Variants in CC2D2B observed in about 807,000 individuals in gnomAD.
CC2D2B encodes coiled-coil and C2 domain containing 2B.
In CC2D2B, 128 loss-of-function variants were observed where a neutral mutation model predicts 161.2. That is an observed-to-expected ratio of 0.79 (90% CI 0.69 to 0.92). The LOEUF (loss-of-function observed/expected upper bound fraction) is 0.92. Ranked by LOEUF, CC2D2B falls within the 40% of genes least tolerant of loss-of-function variation. The pLI is 0.00. For missense variants in CC2D2B, 1,173 were observed against 1,375.1 expected (o/e 0.85, Z 2.32); for synonymous variants, 391 against 449.8 (o/e 0.87, Z 1.65).
chr10:96,031,736 G>T, intron 34 of CC2D2B, 84 bp from the exon 35 acceptor site: 1 of 1,210,888 alleles, frequency 8.3e-7, no homozygotes. Context: ...ATTTCTTTGA[G>T]GCTTTTGTGA....
chr10:95,947,113 A>T (rs200812824), intron 9 of CC2D2B, among the ~76,000 whole-genome samples: 1,004 of 48,356 alleles, frequency 0.021, 35 homozygotes, highest in South Asian at 0.023. Flanking sequence ...ATATATATAT[A>T]TTTTTTTTTT....
rs756143793 is a variant in CC2D2B, at chr10:96,012,275, G to A, written c.3136G>A (p.Glu1046Lys). Residue 1046 changes from glutamate (E) to lysine (K), a missense_variant, in exon 27 of 35, where the codon GAG becomes AAG. Coordinates refer to ENST00000646931, the MANE Select transcript of CC2D2B (RefSeq NM_001349008.3). ...TGTATTTCCTAAAGAAGATTCCAATGAGCAGAATTTAAAAGAATGTACATT... is the reference window on the plus strand; with the variant it reads ...TGTATTTCCTAAAGAAGATTCCAATAAGCAGAATTTAAAAGAATGTACATT... ...TYVFPKEDSN[E>K]QNLKECTFLN... is the part of the protein sequence containing the mutation. 3 of 713,832 alleles carry A rather than the reference G, an allele frequency of 4.2e-6. No homozygotes were observed. The highest frequency in any genetic ancestry group is 7.8e-6 in the Non-Finnish European group (3 of 384,330). The allele number at this position is 713,832 out of a possible 1,614,324, so 44.2% of individuals were successfully genotyped here.
chr10:95,977,978 A>C, intron 17 of CC2D2B, among the ~76,000 whole-genome samples: 1 of 152,198 alleles, frequency 6.6e-6, no homozygotes, highest in East Asian at 1.9e-4. Context: ...GATGAAGAAA[A>C]AAATTCTGGA....
intron 2 of CC2D2B, among the ~76,000 whole-genome samples, chr10:95,914,331 G>A (rs890764795): frequency 2.0e-5 from 3 of 150,278 alleles, no homozygotes; most frequent in Admixed American, 6.6e-5. Context: ...GTGTGTGCGC[G>A]TGTGTGTGTG....
chr10:95,994,630 T>C (rs980853266), intron 22 of CC2D2B, among the ~76,000 whole-genome samples: 1 of 152,224 alleles, frequency 6.6e-6, no homozygotes, highest in African/African-American at 2.4e-5. Context: ...ACACTGGCGT[T>C]ACCGCTTGAC....
intron 2 of CC2D2B, among the ~76,000 whole-genome samples, chr10:95,916,503 T>C (rs901854875): frequency 5.9e-5 from 9 of 152,118 alleles, no homozygotes; most frequent in Non-Finnish European, 1.2e-4. Context: ...TTAATTTTTT[T>C]TCTTTTAAAA....
intron 11 of CC2D2B, chr10:95,961,531 G>GA (rs979271203): frequency 5.2e-4 from 91 of 173,992 alleles, no homozygotes; most frequent in Middle Eastern, 2.2e-3. Context: ...TCTCAAAAAA[G>GA]AAAAAAAAAT....
intron 14 of CC2D2B, among the ~76,000 whole-genome samples, chr10:95,967,196 G>A (rs1007536601): frequency 6.6e-5 from 10 of 152,090 alleles, no homozygotes; most frequent in Admixed American, 6.6e-4. Context: ...GTGCAGCAGT[G>A]GAGAAATCCT....
Position 96,009,832 on chromosome 10 carries a change from G to C in CC2D2B, c.2954G>C (p.Cys985Ser). 2.0e-6 allele frequency: 3 copies of C among 1,532,824 alleles called. No individual in the cohort carries two copies. Among genetic ancestry groups the C allele is most frequent in the Non-Finnish European group, 2.7e-6 (3 of 1,127,528 alleles). 95.0% of individuals were successfully genotyped at this position (1,532,824 alleles called of 1,614,324 possible). The change falls in exon 26 of 35, where the codon TGT (cysteine) becomes TCT (serine). Residue 985 changes from cysteine to serine, a missense_variant. Physicochemically the swap from Cys to Ser is moderately radical, Grantham distance 112 (BLOSUM62 -1). Transcript: ENST00000646931. ...EMMTEKHEDH[C>S]LKSCSGHSYI... ...AATTATTTATTTTCATAGGATCACT[G>C]TCTCAAGAGCTGTAGTGGTCACTCA...
At chr10:95,987,088 G>A (rs1306453174) in intron 19 of CC2D2B, among the ~76,000 whole-genome samples, 1 of 152,114 alleles carries the variant, frequency 6.6e-6, no homozygotes, top group Non-Finnish European at 1.5e-5. Flanking sequence ...CCTTTAGGAG[G>A]CTGAGGTGGG....
intron 6 of CC2D2B, among the ~76,000 whole-genome samples, chr10:95,930,493 T>C (rs773672220): frequency 2.5e-4 from 38 of 152,220 alleles, no homozygotes; most frequent in Non-Finnish European, 4.0e-4. Context: ...AGGGAATGCT[T>C]CCAGCTTCTG....
chr10:95,972,290 C>A, intron 16 of CC2D2B, 74 bp downstream of exon 16: 1 of 921,570 alleles, frequency 1.1e-6, no homozygotes, highest in Non-Finnish European at 1.4e-6. Flanking sequence ...CCCTGGCTCA[C>A]TCACATAAGT....
chr10:96,002,949 T>C (rs562204927), intron 24 of CC2D2B, among the ~76,000 whole-genome samples: 256 of 150,980 alleles, frequency 1.7e-3, no homozygotes, highest in Non-Finnish European at 1.3e-4. Flanking sequence ...GAGGCTGAGG[T>C]AGGAGGATCA....
chr10:96,033,529 T>C lies in CC2D2B; in HGVS notation c.*1521T>C, dbSNP rs1254764531. Among the ~76,000 whole-genome samples the C allele has an allele frequency of 6.6e-6, 1 of 152,192 alleles. No homozygotes were observed. Among genetic ancestry groups the C allele is most frequent in the Non-Finnish European group, 1.5e-5 (1 of 68,026 alleles). On this transcript the variant is annotated 3_prime_UTR_variant, in exon 35 of 35. Transcript: ENST00000646931. ...GCACAAAATGATGCTGATGGAAAGA[T>C]GAGGATGCCAAAGACAGACTGAATT... is the stretch of plus-strand genomic sequence containing the variant.
chr10:95,926,105 C>T (rs1207051651), intron 5 of CC2D2B, among the ~76,000 whole-genome samples: 2 of 151,714 alleles, frequency 1.3e-5, no homozygotes, highest in Non-Finnish European at 2.9e-5. Flanking sequence ...TAAACGCAGA[C>T]TAAAAAGTGA....
At chr10:96,021,686 T>C (rs1407804348) in intron 32 of CC2D2B, 1 of 152,174 alleles carries the variant, frequency 6.6e-6, no homozygotes, top group Admixed American at 6.6e-5. Flanking sequence ...TATGTATACA[T>C]AGATATGTGG....
chr10:95,986,571 G>A (rs539853331), intron 19 of CC2D2B, among the ~76,000 whole-genome samples: 17 of 151,918 alleles, frequency 1.1e-4, no homozygotes, highest in Admixed American at 4.6e-4. Context: ...AATAAGACAC[G>A]AAAAGTATAA....
intron 9 of CC2D2B, among the ~76,000 whole-genome samples, chr10:95,949,566 G>A (rs1160818323): frequency 1.7e-4 from 22 of 126,944 alleles, no homozygotes; most frequent in South Asian, 3.0e-4. Context: ...TAGATGACAC[G>A]TTAGTGGGTG....
At chr10:95,922,828 T>C (rs2098530208) in intron 3 of CC2D2B, among the ~76,000 whole-genome samples, 1 of 152,164 alleles carries the variant, frequency 6.6e-6, no homozygotes, top group Non-Finnish European at 1.5e-5. Flanking sequence ...AAACAGAGTC[T>C]TGCTCTGTTG....
Sources: gnomAD v4.1 joint callset for allele counts (sites outside exome capture counted in the v4.1 genomes callset) on GRCh38, gnomAD v4.1.1 for gene constraint, MANE v1.5 for transcripts, NCBI Gene and HGNC (gene_info 2026-07-23, HGNC 2026-07-21) for gene names.